CHRM3: variants seen among roughly 807,000 people sequenced by gnomAD.
CHRM3 encodes the protein muscarinic acetylcholine receptor M3.
In CHRM3, 11 loss-of-function variants were observed where a neutral mutation model predicts 41.8. The ratio of observed to expected loss-of-function variants is 0.26; its 90% CI spans 0.17 to 0.44. The LOEUF is 0.44. Among genes scored for constraint, CHRM3 ranks in the 20% least tolerant of loss-of-function variants. The probability of loss-of-function intolerance (pLI) is 1.00; values close to 1 mark genes in which losing one functional copy is unlikely to be tolerated. For synonymous variants in CHRM3, 297 were observed against 301.4 expected (o/e 0.99, Z 0.15); for missense variants, 571 against 745.4 (o/e 0.77, Z 2.72).
intron 6 of CHRM3, among the ~76,000 whole-genome samples, chr1:239,874,438 C>G (rs940957493): frequency 6.6e-6 from 1 of 150,432 alleles, no homozygotes; most frequent in Non-Finnish European, 1.5e-5. Context: ...GATGTGAAAC[C>G]TGTGTAAACA....
intron 5 of CHRM3, among the ~76,000 whole-genome samples, chr1:239,686,188 A>G (rs570543630): frequency 1.3e-5 from 2 of 152,192 alleles, no homozygotes; most frequent in South Asian, 2.1e-4. Flanking sequence ...AAAAAAATGG[A>G]CTTCTGTTAC....
chr1:239,474,710 C>T (rs78738949), intron 1 of CHRM3, among the ~76,000 whole-genome samples: 3,378 of 152,038 alleles, frequency 0.022, 110 homozygotes, highest in African/African-American at 0.069. Flanking sequence ...TGTAGTGAAA[C>T]GAAACAATGC....
intron 1 of CHRM3, among the ~76,000 whole-genome samples, chr1:239,438,349 T>G (rs1156416360): frequency 6.6e-6 from 1 of 152,218 alleles, no homozygotes; most frequent in Non-Finnish European, 1.5e-5. Flanking sequence ...AGTGTTTGAT[T>G]TGAAGCCCAC....
chr1:239,693,131 G>T, intron 5 of CHRM3, among the ~76,000 whole-genome samples: 1 of 152,090 alleles, frequency 6.6e-6, no homozygotes, highest in South Asian at 2.1e-4. Context: ...TATGGTAATT[G>T]TTACCTTTGG....
At chr1:239,680,829 G>A (rs1444370641) in intron 5 of CHRM3, among the ~76,000 whole-genome samples, 1 of 151,842 alleles carries the variant, frequency 6.6e-6, no homozygotes, top group South Asian at 2.1e-4. Context: ...CTGCGGAGGA[G>A]ACTTTTTTTT....
chr1:239,417,822 A>T (rs530567655), intron 1 of CHRM3, among the ~76,000 whole-genome samples: 1 of 152,316 alleles, frequency 6.6e-6, no homozygotes, highest in African/African-American at 2.4e-5. Flanking sequence ...GCAACGAAAG[A>T]AAAAATAATC....
At position 239,824,325 on chromosome 1, in the gene CHRM3, G is replaced by A. The variant is rs190214806; in HGVS notation, c.-146-2927G>A. On this transcript the variant is annotated intron_variant, in intron 5 of 6. Coordinates refer to ENST00000676153, the MANE Select transcript of CHRM3 (RefSeq NM_001375978.1). ...ACCAAAGATTGCACAAGGTGGACTC[G>A]GTGCCTTCAATCGAGGTGTTTCAAT... is the stretch of plus-strand genomic sequence containing the variant. 2.2e-4 allele frequency among the ~76,000 whole-genome samples: 33 copies of A among 152,234 alleles called. 1 individual carries two copies. The highest frequency in any genetic ancestry group is 6.2e-4 in the South Asian group (3 of 4,808).
chr1:239,524,536 G>T (rs1446555493), intron 2 of CHRM3, among the ~76,000 whole-genome samples: 1 of 151,992 alleles, frequency 6.6e-6, no homozygotes, highest in Non-Finnish European at 1.5e-5. Flanking sequence ...ATGTAATTAA[G>T]AAAATTGGTA....
At chr1:239,609,649 A>G (rs1397171902) in intron 3 of CHRM3, among the ~76,000 whole-genome samples, 2 of 152,128 alleles carry the variant, frequency 1.3e-5, no homozygotes, top group African/African-American at 2.4e-5. Context: ...ATCTTTGCTA[A>G]TATTTGTTAT....
At chr1:239,442,309 G>T (rs1663791380) in intron 1 of CHRM3, among the ~76,000 whole-genome samples, 1 of 152,096 alleles carries the variant, frequency 6.6e-6, no homozygotes, top group Non-Finnish European at 1.5e-5. Flanking sequence ...GTTTTACCAG[G>T]TTGGCCAGGC....
chr1:239,484,782 A>G (rs1482539770), intron 1 of CHRM3, among the ~76,000 whole-genome samples: 1 of 152,112 alleles, frequency 6.6e-6, no homozygotes, highest in Admixed American at 6.5e-5. Flanking sequence ...TCCCACACTG[A>G]CATATGTCAG....
In CHRM3 at chr1:239,479,771, T is replaced by TA. The variant is rs1402172241; in HGVS notation, c.-520-12932dup. Among the ~76,000 whole-genome samples, 3 of 152,174 alleles carry TA rather than the reference T, an allele frequency of 2.0e-5. No individual in the cohort carries two copies. In the East Asian group the frequency reaches 5.8e-4, roughly 29 times the overall value. On this transcript the variant is annotated intron_variant, in intron 1 of 6. Transcript: ENST00000676153. ...AAAGTAAAAAATATAGTAGAAAATATAAAAAATAGCACATGTCTAAAGTAC... is the reference window on the plus strand; with the variant it reads ...AAAGTAAAAAATATAGTAGAAAATATAAAAAAATAGCACATGTCTAAAGTAC...
intron 1 of CHRM3, among the ~76,000 whole-genome samples, chr1:239,423,465 T>C (rs1476291725): frequency 6.6e-6 from 1 of 152,150 alleles, no homozygotes; most frequent in Non-Finnish European, 1.5e-5. Flanking sequence ...TGGAGGAGGA[T>C]GGAGGCGGGA....
At chr1:239,808,561 A>G (rs894892291) in intron 5 of CHRM3, among the ~76,000 whole-genome samples, 1 of 152,150 alleles carries the variant, frequency 6.6e-6, no homozygotes, top group Admixed American at 6.5e-5. Flanking sequence ...AGAGTCTCTT[A>G]TTTGCCACCT....
intron 5 of CHRM3, among the ~76,000 whole-genome samples, chr1:239,710,265 C>T (rs1448250487): frequency 6.6e-6 from 1 of 151,976 alleles, no homozygotes; most frequent in Non-Finnish European, 1.5e-5. Context: ...ATATATGTAA[C>T]TATACCCATA....
At chr1:239,515,521 C>A (rs922575683) in intron 2 of CHRM3, among the ~76,000 whole-genome samples, 1 of 151,474 alleles carries the variant, frequency 6.6e-6, no homozygotes, top group African/African-American at 2.4e-5. Flanking sequence ...GTGTCTGTTG[C>A]AAACTAATTT....
chr1:239,588,878 A>G (rs1167748794), intron 3 of CHRM3, among the ~76,000 whole-genome samples: 1 of 152,162 alleles, frequency 6.6e-6, no homozygotes, highest in Non-Finnish European at 1.5e-5. Flanking sequence ...TGTTAAATTT[A>G]CCTTGGACCT....
At chr1:239,696,323 C>T (rs781115281) in intron 5 of CHRM3, among the ~76,000 whole-genome samples, 5 of 152,036 alleles carry the variant, frequency 3.3e-5, no homozygotes, top group Non-Finnish European at 5.9e-5. Context: ...ATAAAAAGTG[C>T]TGCCTTTTGT....
intron 5 of CHRM3, among the ~76,000 whole-genome samples, chr1:239,706,082 A>C (rs1661132306): frequency 6.7e-6 from 1 of 149,190 alleles, no homozygotes; most frequent in African/African-American, 2.4e-5. Flanking sequence ...ATTTTATGTT[A>C]TATTTATATA....
Sources: gnomAD v4.1 joint callset for allele counts (sites outside exome capture counted in the v4.1 genomes callset) on GRCh38, gnomAD v4.1.1 for gene constraint, MANE v1.5 for transcripts, NCBI Gene and HGNC (gene_info 2026-07-23, HGNC 2026-07-21) for gene names.